MYO10: variants seen among roughly 807,000 people sequenced by gnomAD.
The protein encoded by MYO10 is unconventional myosin-X.
MYO10 carries 133 observed loss-of-function variants against 257.3 expected under a neutral mutation model. That is an observed-to-expected ratio of 0.52 (90% CI 0.45 to 0.60). The LOEUF is 0.60. Among genes scored for constraint, MYO10 ranks in the 20% least tolerant of loss-of-function variants. The probability of loss-of-function intolerance (pLI) is 0.00; values close to 1 mark genes in which losing one functional copy is unlikely to be tolerated. For missense variants in MYO10, 2,399 were observed against 2,635.7 expected, an observed-to-expected ratio of 0.91 and a Z score of 1.97; for synonymous variants, 1,104 against 1,028.6, an observed-to-expected ratio of 1.07 and a Z score of -1.40.
chr5:16,813,551 TAAA>T (rs368633982), intron 3 of MYO10, among the ~76,000 whole-genome samples: 3 of 123,830 alleles, frequency 2.4e-5, no homozygotes, highest in Non-Finnish European at 1.7e-5. Context: ...ACCCTGGCTC[TAAA>T]AAAAAAAAAA....
At chr5:16,715,697 A>G (rs1738838418) in intron 19 of MYO10, among the ~76,000 whole-genome samples, 1 of 152,102 alleles carries the variant, frequency 6.6e-6, no homozygotes, top group African/African-American at 2.4e-5. Flanking sequence ...TGAATTGCAG[A>G]TTTTAAATAA....
At chr5:16,826,505 G>A (rs1226500287) in intron 2 of MYO10, among the ~76,000 whole-genome samples, 1 of 152,202 alleles carries the variant, frequency 6.6e-6, no homozygotes, top group Non-Finnish European at 1.5e-5. Context: ...AAAAGCAAGA[G>A]TCTCAGGGAG....
intron 19 of MYO10, chr5:16,742,070 C>G: frequency 1.0e-6 from 1 of 985,316 alleles, no homozygotes. Context: ...CCATCATGCA[C>G]GCATCAACAA....
At position 16,870,366 on chromosome 5, in the gene MYO10, G is replaced by C. The variant is rs528669707; in HGVS notation, c.120+7243C>G. ...ATTATGACCCTAAGGCATTTTTCAGGAACGTCTTCAAAATCCTTACTACTC... is the reference window on the plus strand; with the variant it reads ...ATTATGACCCTAAGGCATTTTTCAGCAACGTCTTCAAAATCCTTACTACTC... On this transcript the variant is annotated intron_variant, in intron 2 of 40. Transcript: ENST00000513610. 7.3e-5 allele frequency among the ~76,000 whole-genome samples: 11 copies of C among 151,370 alleles called. No individual in the cohort carries two copies. In the South Asian group the frequency reaches 2.3e-3, roughly 31 times the overall value.
At chr5:16,818,233 C>A in intron 2 of MYO10, 66 bp from the exon 3 acceptor site, 7 of 1,295,744 alleles carry the variant, frequency 5.4e-6, no homozygotes, top group Non-Finnish European at 5.2e-6. Context: ...CACAAGTTTC[C>A]CAAACTGACA....
chr5:16,796,464 G>GAAAGAAAGAAAGA (rs1247319704), intron 3 of MYO10, among the ~76,000 whole-genome samples: 3 of 100,044 alleles, frequency 3.0e-5, no homozygotes, highest in South Asian at 3.7e-4. Context: ...AAGAAAGAAA[G>GAAAGAAAGAAAGA]AAAGAAAAGA....
At chr5:16,728,157 G>C (rs946448859) in intron 19 of MYO10, among the ~76,000 whole-genome samples, 3 of 152,080 alleles carry the variant, frequency 2.0e-5, no homozygotes, top group African/African-American at 7.2e-5. Flanking sequence ...CTGCCTCCTG[G>C]CTTCCTGCCT....
chr5:16,761,847 A>T (rs963171694), intron 16 of MYO10, among the ~76,000 whole-genome samples, 198 bp downstream of exon 16: 1 of 151,780 alleles, frequency 6.6e-6, no homozygotes, highest in Non-Finnish European at 1.5e-5. Context: ...GATGTTTTTT[A>T]TATCTATGTT....
chr5:16,871,607 G>GA (rs1179347182), intron 2 of MYO10, among the ~76,000 whole-genome samples: 94 of 145,006 alleles, frequency 6.5e-4, no homozygotes, highest in East Asian at 2.6e-3. Context: ...ATCCTGTCTC[G>GA]AAAAAAAAAA....
intron 9 of MYO10, among the ~76,000 whole-genome samples, chr5:16,772,910 A>C (rs570972534): frequency 2.6e-5 from 4 of 152,208 alleles, no homozygotes; most frequent in African/African-American, 9.6e-5. Context: ...TCCTAGGGCC[A>C]GGTGTGGGGG....
chr5:16,896,688 A>C (rs892856522), intron 1 of MYO10, among the ~76,000 whole-genome samples: 1 of 152,172 alleles, frequency 6.6e-6, no homozygotes, highest in African/African-American at 2.4e-5. Context: ...GCACCAATCC[A>C]GCTGTGCAGA....
chr5:16,931,207 G>A (rs907136265), intron 1 of MYO10, among the ~76,000 whole-genome samples: 2 of 152,050 alleles, frequency 1.3e-5, no homozygotes, highest in Admixed American at 1.3e-4. Flanking sequence ...GGAGGCGGAG[G>A]TTGTGGTGAG....
At chr5:16,731,044 CTTT>C (rs907400094) in intron 19 of MYO10, among the ~76,000 whole-genome samples, 4 of 136,940 alleles carry the variant, frequency 2.9e-5, no homozygotes, top group Admixed American at 7.4e-5. Context: ...TCAAAACACA[CTTT>C]TTTTTTTTTT....
intron 3 of MYO10, among the ~76,000 whole-genome samples, chr5:16,817,704 T>C (rs1167393298): frequency 1.3e-5 from 2 of 152,188 alleles, no homozygotes; most frequent in African/African-American, 2.4e-5. Flanking sequence ...CCATGACTTC[T>C]TTCCGTGGCA....
chr5:16,812,393 C>T (rs1742468386), intron 3 of MYO10, among the ~76,000 whole-genome samples: 1 of 152,194 alleles, frequency 6.6e-6, no homozygotes, highest in Non-Finnish European at 1.5e-5. Flanking sequence ...CTCGGTACGG[C>T]CTCTGTCCCC....
intron 19 of MYO10, among the ~76,000 whole-genome samples, chr5:16,726,325 A>G (rs1187402450): frequency 6.6e-6 from 1 of 152,228 alleles, no homozygotes; most frequent in African/African-American, 2.4e-5. Context: ...TAACACCACT[A>G]GTAGTAACAG....
In MYO10 at chr5:16,832,684, A is replaced by G. The variant is rs1224779602; in HGVS notation, c.121-14517T>C. ...CTTTTGGAGCCCTGTCTTCTCAGTC[A>G]TAAGCCCAGATCCCTTCAGGTAACA... On this transcript the variant is annotated intron_variant, in intron 2 of 40. Coordinates refer to ENST00000513610, the MANE Select transcript of MYO10 (RefSeq NM_012334.3). Among the ~76,000 whole-genome samples, 6 of 152,140 alleles carry G rather than the reference A, an allele frequency of 3.9e-5. No homozygotes were observed. The South Asian group carries it at 1.2e-3, about 31-fold the overall frequency.
rs1363294822 is a variant in MYO10 at position 16,815,579 on chromosome 5, A to G, written c.279+2430T>C. 4 of 640,368 alleles carry G rather than the reference A, an allele frequency of 6.2e-6. No individual in the cohort carries two copies. The African/African-American group carries it at 7.3e-5, about 12-fold the overall frequency. 39.7% of individuals were successfully genotyped at this position (640,368 alleles called of 1,614,324 possible). A position where few individuals can be genotyped will look rare whatever the true frequency, so the allele number is the denominator to read the frequency against. On this transcript the variant is annotated intron_variant, in intron 3 of 40. Transcript: ENST00000513610. ...TATAAACATTTATTGCACAACTACC[A>G]GGTGCCTGGCAGTGTCCTTGGTTCC... is the stretch of plus-strand genomic sequence containing the variant.
chr5:16,796,479 AAAAG>A lies in MYO10; in HGVS notation c.280-1650_280-1647del, dbSNP rs745544739. ...AAGAAAGAAAGAAAGAAAAGAAAAG[AAAAG>A]AAAGAAAGAAAGAAGGAAAATAAAT... On this transcript the variant is annotated intron_variant, in intron 3 of 40. Transcript: ENST00000513610. Among the ~76,000 whole-genome samples the A allele has an allele frequency of 3.1e-3, 363 of 116,142 alleles. 14 individuals are homozygous for A. Among genetic ancestry groups the A allele is most frequent in the African/African-American group, 5.9e-3 (147 of 24,782 alleles). The allele number at this position is 116,142 out of a possible 152,430, so 76.2% of individuals were successfully genotyped here. A position where few individuals can be genotyped will look rare whatever the true frequency, so the allele number is the denominator to read the frequency against.
Sources: gnomAD v4.1 joint callset for allele counts (sites outside exome capture counted in the v4.1 genomes callset) on GRCh38, gnomAD v4.1.1 for gene constraint, MANE v1.5 for transcripts, NCBI Gene and HGNC (gene_info 2026-07-23, HGNC 2026-07-21) for gene names.